Variants in GADL1 observed in about 807,000 individuals in gnomAD.
GADL1 encodes the protein GAD like acidic amino acid decarboxylase 1, also known as acidic amino acid decarboxylase GADL1.
A neutral mutation model predicts 69.5 loss-of-function variants in GADL1; 71 were observed. That is an observed-to-expected ratio of 1.02 (90% CI 0.84 to 1.25). The LOEUF is 1.25. Among genes scored for constraint, GADL1 ranks in the 50% most tolerant of loss-of-function variants. The pLI is 0.00. For synonymous variants in GADL1, 254 were observed against 214.4 expected (o/e 1.18, Z -1.62); for missense variants, 737 against 631.8 (o/e 1.17, Z -1.79).
intron 1 of GADL1, among the ~76,000 whole-genome samples, chr3:30,877,439 G>A (rs895623302): frequency 1.3e-5 from 2 of 151,766 alleles, no homozygotes; most frequent in Non-Finnish European, 2.9e-5. Flanking sequence ...ACTAATATTA[G>A]GGAATCCAAT....
chr3:30,875,214 A>C (rs1393291675), intron 1 of GADL1, among the ~76,000 whole-genome samples: 6 of 124,196 alleles, frequency 4.8e-5, no homozygotes, highest in Non-Finnish European at 9.5e-5. Context: ...GGATATAGAG[A>C]AAAAAAAAAA....
intron 14 of GADL1, 39 bp from the exon 15 acceptor site, chr3:30,728,454 A>G: frequency 6.4e-7 from 1 of 1,556,282 alleles, no homozygotes; most frequent in Non-Finnish European, 8.8e-7. Flanking sequence ...GAAAGACCAG[A>G]ACATCAAGGC....
At chr3:30,819,073 A>T (rs888750168) in intron 11 of GADL1, among the ~76,000 whole-genome samples, 1 of 151,932 alleles carries the variant, frequency 6.6e-6, no homozygotes, top group African/African-American at 2.4e-5. Flanking sequence ...TTTCTGCTTG[A>T]ACATATTGAC....
rs370368623 is a variant in GADL1 at position 30,855,929 on chromosome 3, C to CAAAA, written c.337+1082_337+1085dup. ...ACATGGAAAACTTCCTCTGATCTGG[C>CAAAA]AAAAAAAAAAAAAACGGCATTGCTA... is the stretch of plus-strand genomic sequence containing the variant. On this transcript the variant is annotated intron_variant, in intron 3 of 14. Coordinates refer to ENST00000282538, the MANE Select transcript of GADL1 (RefSeq NM_207359.3). Among the ~76,000 whole-genome samples the CAAAA allele has an allele frequency of 9.2e-3, 1,140 of 124,050 alleles. 20 individuals carry two copies. The highest frequency in any genetic ancestry group is 0.03 in the African/African-American group (1,078 of 35,780). 81.4% of individuals were successfully genotyped at this position (124,050 alleles called of 152,430 possible).
At chr3:30,772,188 T>C (rs1049539596) in intron 14 of GADL1, among the ~76,000 whole-genome samples, 1 of 152,182 alleles carries the variant, frequency 6.6e-6, no homozygotes, top group Non-Finnish European at 1.5e-5. Flanking sequence ...TTTTAAGATT[T>C]ATTTCTCCTC....
At chr3:30,887,917 G>C (rs565361013) in intron 1 of GADL1, among the ~76,000 whole-genome samples, 1 of 152,120 alleles carries the variant, frequency 6.6e-6, no homozygotes, top group Admixed American at 6.5e-5. Flanking sequence ...GTGTTCACAG[G>C]GGATTGGTTT....
intron 14 of GADL1, 69 bp from the exon 15 acceptor site, chr3:30,728,484 C>A (rs1695404821): frequency 1.5e-6 from 2 of 1,313,064 alleles, no homozygotes; most frequent in African/African-American, 2.9e-5. Context: ...GCATTTTCAC[C>A]AGCCATTGGA....
chr3:30,837,404 G>A (rs1157518862), intron 9 of GADL1, among the ~76,000 whole-genome samples: 1 of 152,020 alleles, frequency 6.6e-6, no homozygotes, highest in Admixed American at 6.6e-5. Flanking sequence ...TAATACTATA[G>A]GCATTTGCCA....
At chr3:30,867,461 C>CACACATATATGTAT (rs1698421160) in intron 1 of GADL1, among the ~76,000 whole-genome samples, 2 of 132,368 alleles carry the variant, frequency 1.5e-5, no homozygotes, top group Admixed American at 7.4e-5. Context: ...TATATATATA[C>CACACATATATGTAT]ATATATATGA....
intron 1 of GADL1, among the ~76,000 whole-genome samples, chr3:30,885,751 A>AT (rs1317391243): frequency 6.6e-6 from 1 of 151,654 alleles, no homozygotes; most frequent in Non-Finnish European, 1.5e-5. Flanking sequence ...TATTTTATAC[A>AT]TTTTTTATAA....
At chr3:30,757,296 C>T (rs1695997600) in intron 14 of GADL1, among the ~76,000 whole-genome samples, 1 of 152,102 alleles carries the variant, frequency 6.6e-6, no homozygotes, top group Non-Finnish European at 1.5e-5. Flanking sequence ...TCAACCTACC[C>T]AGCCTGACAT....
At chr3:30,784,562 C>A (rs1422910955) in intron 13 of GADL1, among the ~76,000 whole-genome samples, 2 of 152,174 alleles carry the variant, frequency 1.3e-5, no homozygotes, top group Non-Finnish European at 1.5e-5. Flanking sequence ...TTTGTAGATA[C>A]TAGGGGAATC....
intron 11 of GADL1, among the ~76,000 whole-genome samples, chr3:30,821,227 C>A (rs1170839777): frequency 1.3e-5 from 2 of 151,692 alleles, no homozygotes; most frequent in Non-Finnish European, 2.9e-5. Flanking sequence ...ATACCTAATG[C>A]TAAATGACGA....
At chr3:30,833,681 A>G (rs1305040445) in intron 11 of GADL1, among the ~76,000 whole-genome samples, 172 bp downstream of exon 11, 2 of 152,122 alleles carry the variant, frequency 1.3e-5, no homozygotes, top group Non-Finnish European at 2.9e-5. Flanking sequence ...GAATCACTAA[A>G]TATTTTATCT....
chr3:30,850,589 G>A (rs1046712686), intron 5 of GADL1, among the ~76,000 whole-genome samples: 1 of 151,994 alleles, frequency 6.6e-6, no homozygotes, highest in South Asian at 2.1e-4. Context: ...GCATCAAATC[G>A]ATTCATTTGT....
chr3:30,798,585 C>T (rs1000970572), intron 12 of GADL1: 1 of 152,112 alleles, frequency 6.6e-6, no homozygotes, highest in Non-Finnish European at 1.5e-5. Flanking sequence ...GACACAGAGC[C>T]AAACTATGTC....
intron 5 of GADL1, 133 bp downstream of exon 5, chr3:30,850,701 GC>G (rs1316145312): frequency 1.6e-6 from 1 of 619,068 alleles, no homozygotes; most frequent in Non-Finnish European, 2.9e-6. Context: ...AAAGGCATAA[GC>G]TAGATTCTCA....
intron 13 of GADL1, chr3:30,778,588 C>A: frequency 4.6e-6 from 1 of 215,122 alleles, no homozygotes; most frequent in South Asian, 9.7e-5. Flanking sequence ...CTCAGAGATG[C>A]CCTGGATCCT....
chr3:30,781,028 T>C (rs1696653855), intron 13 of GADL1, among the ~76,000 whole-genome samples: 1 of 152,228 alleles, frequency 6.6e-6, no homozygotes, highest in Non-Finnish European at 1.5e-5. Context: ...TTTAATTGCC[T>C]ACATATGTGA....
Sources: gnomAD v4.1 joint callset for allele counts (sites outside exome capture counted in the v4.1 genomes callset) on GRCh38, gnomAD v4.1.1 for gene constraint, MANE v1.5 for transcripts, NCBI Gene and HGNC (gene_info 2026-07-23, HGNC 2026-07-21) for gene names.